INPP5A: variants seen among roughly 807,000 people sequenced by gnomAD.
The protein encoded by INPP5A is inositol polyphosphate-5-phosphatase A.
INPP5A carries 14 observed loss-of-function variants against 65.2 expected under a neutral mutation model. The ratio of observed to expected loss-of-function variants is 0.21; its 90% confidence interval spans 0.14 to 0.34. The LOEUF (loss-of-function observed/expected upper bound fraction) is 0.34. INPP5A is among the 10% of genes least tolerant of loss of function. The probability of loss-of-function intolerance (pLI) is 1.00; values close to 1 mark genes in which losing one functional copy is unlikely to be tolerated. For synonymous variants in INPP5A, 207 were observed against 208.3 expected (o/e 0.99, Z 0.05); for missense variants, 431 against 545.6 (o/e 0.79, Z 2.09).
In INPP5A at chr10:132,698,191, A is replaced by T. The variant is rs1258992301; in HGVS notation, c.474+272A>T. On this transcript the variant is annotated intron_variant, in intron 6 of 15. Coordinates refer to ENST00000368594, the MANE Select transcript of INPP5A (RefSeq NM_005539.5). This position sits in a 1 kb window ranked among gnomAD's most constrained non-coding sequence, Gnocchi z 5.5. ...AGAAAGAACCTTCGCCAAAAGATGTAGGAAAATCATTCAGCTCCCTTGGCG... is the reference window on the plus strand; with the variant it reads ...AGAAAGAACCTTCGCCAAAAGATGTTGGAAAATCATTCAGCTCCCTTGGCG... 1.3e-5 allele frequency among the ~76,000 whole-genome samples: 2 copies of T among 152,232 alleles called. No individual in the cohort carries two copies. The highest frequency in any genetic ancestry group is 4.8e-5 in the African/African-American group (2 of 41,466).
intron 13 of INPP5A, among the ~76,000 whole-genome samples, chr10:132,779,530 C>T (rs1201273579): frequency 1.3e-5 from 2 of 152,388 alleles, no homozygotes; most frequent in East Asian, 3.9e-4. Flanking sequence ...AGCAGGGCAG[C>T]GTTGCAGCCC....
At chr10:132,685,355 G>C (rs1281698511) in intron 4 of INPP5A, among the ~76,000 whole-genome samples, 2 of 152,268 alleles carry the variant, frequency 1.3e-5, no homozygotes, top group East Asian at 3.8e-4. Flanking sequence ...ACCAGCACAG[G>C]GGAAGGGCCC....
chr10:132,542,095 G>A (rs1564909755), intron 1 of INPP5A, among the ~76,000 whole-genome samples: 1 of 152,256 alleles, frequency 6.6e-6, no homozygotes, highest in Non-Finnish European at 1.5e-5. Context: ...TGCCAGCTGT[G>A]GCGTCCCACC....
In INPP5A at chr10:132,698,735, G is replaced by A. The variant is rs573989639; in HGVS notation, c.474+816G>A. ...GGCAGCTGGACGCAGGTTTGGGGGC[G>A]TCCAGGCTGTGATATAGGAGCTCTC... On this transcript the variant is annotated intron_variant, in intron 6 of 15. Coordinates refer to ENST00000368594, the MANE Select transcript of INPP5A (RefSeq NM_005539.5). This position sits in a 1 kb window ranked among gnomAD's most constrained non-coding sequence, Gnocchi z 5.5. Among the ~76,000 whole-genome samples the A allele has an allele frequency of 1.1e-4, 16 of 152,294 alleles. No individual in the cohort carries two copies. The highest frequency in any genetic ancestry group is 3.9e-4 in the East Asian group (2 of 5,180).
intron 9 of INPP5A, among the ~76,000 whole-genome samples, chr10:132,734,190 C>A (rs1245222423): frequency 6.6e-6 from 1 of 152,176 alleles, no homozygotes; most frequent in Non-Finnish European, 1.5e-5. Context: ...GCTATGCTCT[C>A]GTGTGACGCA....
intron 8 of INPP5A, among the ~76,000 whole-genome samples, chr10:132,715,080 C>T (rs1282607084): frequency 1.3e-5 from 2 of 152,324 alleles, no homozygotes; most frequent in South Asian, 2.1e-4. Context: ...GGGGCAGCCC[C>T]GGTCCCTCTC....
intron 1 of INPP5A, among the ~76,000 whole-genome samples, chr10:132,544,751 C>T (rs187300144): frequency 2.7e-3 from 418 of 152,280 alleles, no homozygotes; most frequent in Non-Finnish European, 5.1e-3. Flanking sequence ...CCTCTCCCTC[C>T]GGCCCTGGCA....
intron 11 of INPP5A, among the ~76,000 whole-genome samples, chr10:132,759,864 C>A (rs1846700035): frequency 6.6e-6 from 1 of 152,222 alleles, no homozygotes; most frequent in Non-Finnish European, 1.5e-5. Flanking sequence ...TCTCCCTCTT[C>A]TTGTTCACGT....
chr10:132,565,303 A>C (rs775433558), intron 1 of INPP5A, among the ~76,000 whole-genome samples: 1 of 152,192 alleles, frequency 6.6e-6, no homozygotes, highest in Non-Finnish European at 1.5e-5. Context: ...AAACAACTCA[A>C]GGAATAAGCC....
At chr10:132,777,106 G>A (rs4880426) in intron 12 of INPP5A, among the ~76,000 whole-genome samples, 31,965 of 152,132 alleles carry the variant, frequency 0.21, 3,572 homozygotes, top group Non-Finnish European at 0.26. Context: ...CGCAGAGGGC[G>A]TGGGCAGGCC....
intron 9 of INPP5A, among the ~76,000 whole-genome samples, chr10:132,744,252 G>C (rs1480400156): frequency 6.6e-6 from 1 of 152,212 alleles, no homozygotes; most frequent in Non-Finnish European, 1.5e-5. Flanking sequence ...GCCCCCCACG[G>C]ATTGACTCAG....
intron 9 of INPP5A, among the ~76,000 whole-genome samples, chr10:132,736,266 G>A (rs1406294784): frequency 6.6e-6 from 1 of 152,254 alleles, no homozygotes; most frequent in Non-Finnish European, 1.5e-5. Flanking sequence ...TCAGCTGGCC[G>A]TGGTGACAAA....
intron 6 of INPP5A, among the ~76,000 whole-genome samples, chr10:132,700,788 G>A (rs1319225075): frequency 1.7e-4 from 26 of 152,156 alleles, no homozygotes; most frequent in Non-Finnish European, 4.4e-5. Context: ...CCTTGATGGG[G>A]GTATAATGCA....
At chr10:132,566,058 A>C (rs1322715898) in intron 1 of INPP5A, among the ~76,000 whole-genome samples, 5 of 152,088 alleles carry the variant, frequency 3.3e-5, no homozygotes, top group Admixed American at 3.3e-4. Context: ...TGTGACTCAC[A>C]CCTGGCCACA....
chr10:132,714,752 TAA>T (rs1845712025), intron 8 of INPP5A, among the ~76,000 whole-genome samples: 1 of 152,214 alleles, frequency 6.6e-6, no homozygotes, highest in Admixed American at 6.5e-5. Flanking sequence ...AGCTCTGAGT[TAA>T]AGTCTTCAGA....
rs756659711 is a variant in INPP5A at position 132,763,553 on chromosome 10, G to A, written c.904-2220G>A. Among the ~76,000 whole-genome samples, 16 of 150,770 alleles carry A rather than the reference G, an allele frequency of 1.1e-4. No individual in the cohort carries two copies. In the Middle Eastern group the frequency reaches 0.011, roughly 101 times the overall value. On this transcript the variant is annotated intron_variant, in intron 11 of 15. Transcript: ENST00000368594. Reference sequence around the variant, plus strand: ...CCTGCATGCACACACACATAAACATGTGCCTGCATGCAAACACACACATGC... The same window carrying A: ...CCTGCATGCACACACACATAAACATATGCCTGCATGCAAACACACACATGC...
At chr10:132,632,337 G>A (rs373186431) in intron 2 of INPP5A, among the ~76,000 whole-genome samples, 20 of 152,356 alleles carry the variant, frequency 1.3e-4, no homozygotes, top group South Asian at 6.2e-4. Context: ...CAGGGCGCCT[G>A]TGTCCCCTGT....
At chr10:132,732,124 C>T (rs12775767) in intron 9 of INPP5A, among the ~76,000 whole-genome samples, 25,372 of 152,270 alleles carry the variant, frequency 0.17, 2,555 homozygotes, top group Non-Finnish European at 0.23. Context: ...ATGCTGCCCG[C>T]GACAGCAGCT....
At chr10:132,570,313 T>G (rs1293470377) in intron 1 of INPP5A, among the ~76,000 whole-genome samples, 1 of 152,244 alleles carries the variant, frequency 6.6e-6, no homozygotes, top group Non-Finnish European at 1.5e-5. Context: ...GATGACCATT[T>G]GGGCTCACTG....
Sources: allele counts gnomAD v4.1 joint callset (sites outside exome capture counted in the v4.1 genomes callset), GRCh38; gene constraint gnomAD v4.1.1; non-coding constraint Gnocchi (gnomAD v3.1); transcripts MANE v1.5; gene names NCBI Gene and HGNC (gene_info 2026-07-23, HGNC 2026-07-21).